POLA1: variants seen among roughly 807,000 people sequenced by gnomAD.
POLA1 encodes the protein DNA polymerase alpha catalytic subunit.
Under a neutral mutation model 124.0 loss-of-function variants are expected in POLA1, and 15 were observed. The observed-to-expected ratio is 0.12, with a 90% CI of 0.08 to 0.19. POLA1 has a LOEUF of 0.19. Among genes scored for constraint, POLA1 ranks in the 10% least tolerant of loss-of-function variants. The pLI, the probability that POLA1 is intolerant of heterozygous loss-of-function variation, is 1.00. For missense variants in POLA1, 886 were observed against 1,103.4 expected (o/e 0.80, Z 2.79); for synonymous variants, 408 against 389.4 (o/e 1.05, Z -0.56).
chrX:24,841,206 T>A, intron 32 of POLA1, among the ~76,000 whole-genome samples: 1 of 112,304 alleles, frequency 8.9e-6, no homozygotes. Flanking sequence ...CAAGATGAAA[T>A]CGACTACTGC....
intron 34 of POLA1, among the ~76,000 whole-genome samples, chrX:24,882,027 C>T (rs1454564473): frequency 1.8e-5 from 2 of 110,408 alleles, no homozygotes; most frequent in Non-Finnish European, 3.8e-5. Flanking sequence ...GAGTGGAGAG[C>T]CCTTTGCATT....
At chrX:24,786,841 G>A (rs1046582910) in intron 26 of POLA1, among the ~76,000 whole-genome samples, 1 of 108,089 alleles carries the variant, frequency 9.3e-6, no homozygotes, top group Non-Finnish European at 1.9e-5. Flanking sequence ...GCATAGGCGT[G>A]CACCACCATG....
intron 36 of POLA1, among the ~76,000 whole-genome samples, chrX:24,954,146 T>C (rs2106577): frequency 8.9e-6 from 1 of 112,815 alleles, no homozygotes; most frequent in African/African-American, 3.2e-5. Context: ...TTTCTCTTGG[T>C]ACATTTGAAA....
chrX:24,911,228 T>C (rs777628804), intron 35 of POLA1, among the ~76,000 whole-genome samples: 1 of 111,945 alleles, frequency 8.9e-6, no homozygotes, highest in Admixed American at 9.5e-5. Context: ...TATACTGTGA[T>C]GTGTACTGTA....
chrX:24,764,497 C>T (rs1390279430), intron 26 of POLA1, among the ~76,000 whole-genome samples: 6 of 112,004 alleles, frequency 5.4e-5, no homozygotes, highest in African/African-American at 9.7e-5. Flanking sequence ...TGATTTTCTT[C>T]ACTCTGCAAC....
At chrX:24,955,374 C>T (rs2048095606) in intron 36 of POLA1, among the ~76,000 whole-genome samples, 1 of 108,152 alleles carries the variant, frequency 9.2e-6, no homozygotes, top group Non-Finnish European at 1.9e-5. Flanking sequence ...GAGACTGGGT[C>T]TTGCCATGTT....
chrX:24,813,056 G>A (rs1358234568), intron 29 of POLA1, among the ~76,000 whole-genome samples, 193 bp downstream of exon 29: 1 of 111,179 alleles, frequency 9.0e-6, no homozygotes, highest in Non-Finnish European at 1.9e-5. Flanking sequence ...CTTAGAAAAA[G>A]CCAAATTTGC....
intron 29 of POLA1, among the ~76,000 whole-genome samples, 171 bp downstream of exon 29, chrX:24,813,034 G>C (rs750094639): frequency 1.8e-5 from 2 of 111,133 alleles, no homozygotes; most frequent in South Asian, 3.8e-4. Context: ...GAATTTTATA[G>C]GTAGATTAAA....
chrX:24,826,765 T>C (rs960450634), intron 32 of POLA1, among the ~76,000 whole-genome samples, 164 bp downstream of exon 32: 5 of 112,013 alleles, frequency 4.5e-5, no homozygotes, highest in Admixed American at 1.9e-4. Flanking sequence ...TCTCCACTCA[T>C]AGACTATGAG....
intron 26 of POLA1, among the ~76,000 whole-genome samples, chrX:24,804,491 G>A (rs2045767874): frequency 9.0e-6 from 1 of 111,292 alleles, no homozygotes; most frequent in South Asian, 3.8e-4. Context: ...TTATATCATC[G>A]GTAATGGAAG....
chrX:24,984,675 T>G (rs1253814213), intron 36 of POLA1, among the ~76,000 whole-genome samples: 1 of 102,788 alleles, frequency 9.7e-6, no homozygotes, highest in Non-Finnish European at 2.0e-5. Flanking sequence ...TTTTTTTTTT[T>G]TTGAGACGGA....
At chrX:24,721,751 C>G in intron 10 of POLA1, among the ~76,000 whole-genome samples, 1 of 112,001 alleles carries the variant, frequency 8.9e-6, no homozygotes, top group Non-Finnish European at 1.9e-5. Flanking sequence ...TTTGTTGTGT[C>G]AAATGAGGCA....
chrX:24,967,375 A>G (rs1349778933), intron 36 of POLA1, among the ~76,000 whole-genome samples: 1 of 111,067 alleles, frequency 9.0e-6, no homozygotes, highest in African/African-American at 3.3e-5. Flanking sequence ...GGGCTGTAGT[A>G]TTAAGAAATT....
chrX:24,841,468 G>T (rs889322974), intron 32 of POLA1, among the ~76,000 whole-genome samples, 184 bp from the exon 33 acceptor site: 1 of 112,078 alleles, frequency 8.9e-6, no homozygotes, highest in African/African-American at 3.2e-5. Flanking sequence ...TTGTGTTGTT[G>T]CAGTTACTTG....
intron 26 of POLA1, among the ~76,000 whole-genome samples, chrX:24,806,715 A>C (rs1436954673): frequency 8.9e-6 from 1 of 112,166 alleles, no homozygotes; most frequent in Non-Finnish European, 1.9e-5. Flanking sequence ...CCTTTGACCC[A>C]GCACACCCAC....
At chrX:24,934,590 A>G (rs1169106144) in intron 36 of POLA1, among the ~76,000 whole-genome samples, 1 of 112,127 alleles carries the variant, frequency 8.9e-6, no homozygotes. Context: ...TGTGTCAGCT[A>G]TTAATAGTAA....
At chrX:24,806,846 CTAGTTAAATAGAT>C (rs1389430692) in intron 26 of POLA1, among the ~76,000 whole-genome samples, 1 of 111,583 alleles carries the variant, frequency 9.0e-6, no homozygotes, top group African/African-American at 3.3e-5. Flanking sequence ...TAATAGAACA[CTAGTTAAATAGAT>C]TATGTTCTAT....
intron 34 of POLA1, among the ~76,000 whole-genome samples, chrX:24,868,431 A>G (rs1473748883): frequency 8.9e-6 from 1 of 111,891 alleles, no homozygotes; most frequent in African/African-American, 3.2e-5. Flanking sequence ...ACTGTGCAAT[A>G]GCACTAAAAA....
chrX:24,958,032 G>C (rs1375601576), intron 36 of POLA1, among the ~76,000 whole-genome samples: 1 of 110,727 alleles, frequency 9.0e-6, no homozygotes, highest in Non-Finnish European at 1.9e-5. Flanking sequence ...CCACGACTGA[G>C]AACCTCTAGC....
Sources: gnomAD v4.1 joint callset for allele counts (sites outside exome capture counted in the v4.1 genomes callset) on GRCh38, gnomAD v4.1.1 for gene constraint, MANE v1.5 for transcripts, NCBI Gene and HGNC (gene_info 2026-07-23, HGNC 2026-07-21) for gene names.